The following AGBL4 variants were observed in gnomAD, a reference collection of about 807,000 sequenced individuals.
AGBL4 encodes AGBL carboxypeptidase 4.
A neutral mutation model predicts 66.4 loss-of-function variants in AGBL4; 58 were observed. That is an observed-to-expected ratio of 0.87 (90% CI 0.71 to 1.09). The LOEUF (loss-of-function observed/expected upper bound fraction) is 1.09, where lower values mean the gene tolerates loss of function less well. Among genes scored for constraint, AGBL4 ranks in the 50% least tolerant of loss-of-function variants. The pLI, the probability that AGBL4 is intolerant of heterozygous loss-of-function variation, is 0.00. For missense variants in AGBL4, 579 were observed against 631.0 expected (o/e 0.92, Z 0.88); for synonymous variants, 234 against 222.9 (o/e 1.05, Z -0.44).
chr1:49,053,351 G>A (rs915298119), intron 4 of AGBL4, among the ~76,000 whole-genome samples: 9 of 152,184 alleles, frequency 5.9e-5, no homozygotes, highest in African/African-American at 2.2e-4. Flanking sequence ...TGTGCTGTCT[G>A]ATAAAACTAA....
chr1:49,810,953 A>T (rs1645087334), intron 2 of AGBL4, among the ~76,000 whole-genome samples: 1 of 152,214 alleles, frequency 6.6e-6, no homozygotes. Flanking sequence ...AGTCACAGAA[A>T]GGGTGGCACA....
intron 3 of AGBL4, among the ~76,000 whole-genome samples, chr1:49,686,677 A>G (rs1032185723): frequency 6.6e-6 from 1 of 152,194 alleles, no homozygotes; most frequent in African/African-American, 2.4e-5. Flanking sequence ...TGATTCCTGA[A>G]TGCCTAGAGC....
chr1:48,865,022 T>C (rs1168728552), intron 6 of AGBL4, among the ~76,000 whole-genome samples: 3 of 151,948 alleles, frequency 2.0e-5, no homozygotes, highest in Non-Finnish European at 2.9e-5. Flanking sequence ...AAATTCCTGG[T>C]CAGCATTTCA....
At chr1:48,842,887 G>C (rs1339734268) in intron 6 of AGBL4, among the ~76,000 whole-genome samples, 2 of 151,982 alleles carry the variant, frequency 1.3e-5, no homozygotes, top group African/African-American at 4.8e-5. Flanking sequence ...TGAACCATGA[G>C]GGCATTATGC....
At chr1:49,148,230 T>C (rs1646257977) in intron 4 of AGBL4, among the ~76,000 whole-genome samples, 1 of 152,168 alleles carries the variant, frequency 6.6e-6, no homozygotes, top group Non-Finnish European at 1.5e-5. Flanking sequence ...ATTAGTGTCG[T>C]TATTATTACT....
intron 3 of AGBL4, among the ~76,000 whole-genome samples, chr1:49,352,135 A>G (rs1643922708): frequency 6.6e-6 from 1 of 152,138 alleles, no homozygotes; most frequent in Non-Finnish European, 1.5e-5. Context: ...CACCCATTCC[A>G]GGAGGTCTTC....
At chr1:48,664,129 G>T (rs1423134092) in intron 6 of AGBL4, among the ~76,000 whole-genome samples, 1 of 152,180 alleles carries the variant, frequency 6.6e-6, no homozygotes, top group Non-Finnish European at 1.5e-5. Context: ...GCAGAGAGGG[G>T]TATCCTGAGC....
chr1:49,977,517 T>C (rs1202605736), intron 1 of AGBL4, among the ~76,000 whole-genome samples: 2 of 152,242 alleles, frequency 1.3e-5, no homozygotes, highest in East Asian at 3.8e-4. Context: ...GACCAGACGG[T>C]ATGTGAGGAC....
intron 6 of AGBL4, among the ~76,000 whole-genome samples, chr1:48,776,152 T>C (rs1301455186): frequency 6.6e-6 from 1 of 150,806 alleles, no homozygotes; most frequent in Non-Finnish European, 1.5e-5. Context: ...TCCAAGGAGG[T>C]ACCAACAGCC....
chr1:48,534,981 G>T (rs763779921), intron 12 of AGBL4, 65 bp from the exon 13 acceptor site: 1 of 1,418,712 alleles, frequency 7.0e-7, no homozygotes, highest in Non-Finnish European at 9.7e-7. Flanking sequence ...AAGTTGAAGA[G>T]GTGCTATTCA....
chr1:49,261,409 C>G (rs957266480), intron 3 of AGBL4, among the ~76,000 whole-genome samples: 29 of 152,176 alleles, frequency 1.9e-4, no homozygotes, highest in Middle Eastern at 3.4e-3. Flanking sequence ...TCTAGAAGAC[C>G]CCATTGGCTC....
At chr1:49,863,824 T>C (rs989267019) in intron 1 of AGBL4, among the ~76,000 whole-genome samples, 4 of 152,218 alleles carry the variant, frequency 2.6e-5, no homozygotes, top group Non-Finnish European at 5.9e-5. Context: ...TGTATACTGT[T>C]GGTGGGAATG....
chr1:48,630,058 C>T (rs1645569559), intron 9 of AGBL4, among the ~76,000 whole-genome samples: 1 of 152,162 alleles, frequency 6.6e-6, no homozygotes, highest in Non-Finnish European at 1.5e-5. Flanking sequence ...CCCTGGGGGA[C>T]AATCAATCAT....
intron 3 of AGBL4, among the ~76,000 whole-genome samples, chr1:49,407,879 T>C (rs945131698): frequency 6.6e-6 from 1 of 152,148 alleles, no homozygotes; most frequent in Non-Finnish European, 1.5e-5. Context: ...TGATGTGTGT[T>C]CCTAATAACC....
chr1:48,559,451 G>GA (rs1207168589), intron 11 of AGBL4, among the ~76,000 whole-genome samples: 2 of 151,026 alleles, frequency 1.3e-5, no homozygotes, highest in African/African-American at 2.4e-5. Flanking sequence ...TGGTGTAGTA[G>GA]AAAAAAAAAT....
intron 6 of AGBL4, among the ~76,000 whole-genome samples, chr1:48,695,871 A>G (rs1423075514): frequency 1.3e-5 from 2 of 151,938 alleles, no homozygotes; most frequent in Non-Finnish European, 2.9e-5. Flanking sequence ...ACCACCACCA[A>G]CCCCTAAACC....
At chr1:49,325,825 T>C (rs1215703555) in intron 3 of AGBL4, among the ~76,000 whole-genome samples, 1 of 152,180 alleles carries the variant, frequency 6.6e-6, no homozygotes, top group East Asian at 1.9e-4. Flanking sequence ...ATTCTCATGA[T>C]AGTGAGTTCT....
chr1:48,528,181 C>G (rs1187762983), downstream of AGBL4, among the ~76,000 whole-genome samples: 2 of 152,122 alleles, frequency 1.3e-5, no homozygotes. Flanking sequence ...AAATTCAGGT[C>G]TATCTGACTC....
intron 3 of AGBL4, among the ~76,000 whole-genome samples, chr1:49,571,389 G>A (rs1349702430): frequency 1.3e-5 from 2 of 151,908 alleles, no homozygotes; most frequent in Admixed American, 1.3e-4. Context: ...CAATATTGGT[G>A]TATAGAAATG....
Sources: gnomAD v4.1 joint callset for allele counts (sites outside exome capture counted in the v4.1 genomes callset) on GRCh38, gnomAD v4.1.1 for gene constraint, MANE v1.5 for transcripts, NCBI Gene and HGNC (gene_info 2026-07-23, HGNC 2026-07-21) for gene names.